The following AUTS2 variants were observed in gnomAD, a reference collection of about 807,000 sequenced individuals.
AUTS2 encodes autism susceptibility gene 2 protein.
In AUTS2, 17 loss-of-function variants were observed where a neutral mutation model predicts 112.4. The observed-to-expected ratio is 0.15, with a 90% CI of 0.10 to 0.23. The LOEUF (loss-of-function observed/expected upper bound fraction) is 0.23. Among genes scored for constraint, AUTS2 ranks in the 10% least tolerant of loss-of-function variants. The pLI is 1.00. For synonymous variants in AUTS2, 751 were observed against 702.7 expected, an observed-to-expected ratio of 1.07 and a Z score of -1.09; for missense variants, 1,510 against 1,701.6, an observed-to-expected ratio of 0.89 and a Z score of 1.98.
intron 6 of AUTS2, among the ~76,000 whole-genome samples, chr7:70,750,551 C>A (rs1188796956): frequency 6.6e-6 from 1 of 151,954 alleles, no homozygotes; most frequent in African/African-American, 2.4e-5. Flanking sequence ...CAGGCACACG[C>A]CACCATGCCC....
intron 1 of AUTS2, among the ~76,000 whole-genome samples, chr7:69,771,200 C>G (rs555217724): frequency 2.6e-5 from 4 of 152,260 alleles, no homozygotes; most frequent in African/African-American, 7.2e-5. Context: ...ACCCAGCGAT[C>G]TTCCTGTATG....
intron 1 of AUTS2, among the ~76,000 whole-genome samples, chr7:69,687,975 G>T (rs1160940129): frequency 1.3e-5 from 2 of 152,202 alleles, no homozygotes; most frequent in East Asian, 3.8e-4. Flanking sequence ...GGCTGTTTCT[G>T]AGTTATGCGA....
chr7:70,024,382 T>C (rs1446835201), intron 2 of AUTS2, among the ~76,000 whole-genome samples: 1 of 152,206 alleles, frequency 6.6e-6, no homozygotes, highest in African/African-American at 2.4e-5. Context: ...ATGGAATGGA[T>C]TGTTGCTTTT....
chr7:70,737,825 A>G (rs537749179), intron 6 of AUTS2, among the ~76,000 whole-genome samples: 1 of 152,196 alleles, frequency 6.6e-6, no homozygotes, highest in Non-Finnish European at 1.5e-5. Context: ...TAACCTTGAA[A>G]ATGGAAACAC....
chr7:70,429,615 GTT>G lies in AUTS2; in HGVS notation c.661-6135_661-6134del, dbSNP rs1795569631. Among the ~76,000 whole-genome samples the G allele has an allele frequency of 2.0e-5, 3 of 152,320 alleles. No homozygotes were observed. The South Asian group carries it at 6.2e-4, about 32-fold the overall frequency. ...GCCAACCAGGGCCGGACCACAAGCT[GTT>G]TGCAACCAACCTGCTGTGAGATTAG... On this transcript the variant is annotated intron_variant, in intron 4 of 18. Coordinates refer to ENST00000342771, the MANE Select transcript of AUTS2 (RefSeq NM_015570.4).
At chr7:69,778,039 G>C (rs923157845) in intron 1 of AUTS2, among the ~76,000 whole-genome samples, 2 of 152,088 alleles carry the variant, frequency 1.3e-5, no homozygotes, top group African/African-American at 4.8e-5. Context: ...GAAATAAATA[G>C]AAAATACAGT....
intron 5 of AUTS2, among the ~76,000 whole-genome samples, chr7:70,621,001 G>C (rs944792900): frequency 7.2e-5 from 11 of 152,230 alleles, no homozygotes; most frequent in African/African-American, 1.7e-4. Flanking sequence ...AGCTCAGAGC[G>C]GGGAGGACCA....
At position 69,854,275 on chromosome 7, in the gene AUTS2, A is replaced by G. The variant is rs571267077; in HGVS notation, c.310-45011A>G. Among the ~76,000 whole-genome samples the G allele has an allele frequency of 5.7e-4, 87 of 152,296 alleles. 1 individual carries two copies. The highest frequency in any genetic ancestry group is 2.3e-3 in the Admixed American group (35 of 15,298). ...AGCTGAGGAAACAGAGGCTTAGAGA[A>G]GTCAAGTGATTTGCTAAGGTCACTT... On this transcript the variant is annotated intron_variant, in intron 1 of 18. Transcript: ENST00000342771.
At chr7:69,853,885 T>C (rs1279053367) in intron 1 of AUTS2, among the ~76,000 whole-genome samples, 1 of 152,162 alleles carries the variant, frequency 6.6e-6, no homozygotes, top group Non-Finnish European at 1.5e-5. Flanking sequence ...GTAAGTGAGA[T>C]GAAAGTGAAA....
chr7:70,711,536 G>A (rs1423566030), intron 6 of AUTS2, among the ~76,000 whole-genome samples: 2 of 152,174 alleles, frequency 1.3e-5, no homozygotes, highest in African/African-American at 4.8e-5. Context: ...AACCCTGGGC[G>A]CCGAGCAGCT....
rs1426406683 is a variant in AUTS2, at chr7:69,811,137, C to T, written c.310-88149C>T. On this transcript the variant is annotated intron_variant, in intron 1 of 18. Transcript: ENST00000342771. The stretch of plus-strand genomic sequence containing the variant: ...TTTTACTCTGCACCACTCTACCTGC[C>T]GTTGACTGGGTTACCTTCATAAAAG... 3.3e-5 allele frequency among the ~76,000 whole-genome samples: 5 copies of T among 152,114 alleles called. No individual in the cohort carries two copies. The East Asian group carries it at 7.7e-4, about 23-fold the overall frequency.
chr7:70,579,296 T>G (rs1802329212), intron 5 of AUTS2, among the ~76,000 whole-genome samples: 1 of 132,364 alleles, frequency 7.6e-6, no homozygotes, highest in Non-Finnish European at 1.6e-5. Context: ...AAAATCAAGT[T>G]AGGCAGCTTT....
intron 4 of AUTS2, among the ~76,000 whole-genome samples, chr7:70,406,471 G>A (rs553349932): frequency 6.6e-6 from 1 of 152,308 alleles, no homozygotes; most frequent in East Asian, 1.9e-4. Context: ...GAGCTGCCCC[G>A]CGGCACCATC....
chr7:70,676,521 G>A (rs1427371008), intron 5 of AUTS2, among the ~76,000 whole-genome samples: 1 of 152,196 alleles, frequency 6.6e-6, no homozygotes, highest in Non-Finnish European at 1.5e-5. Context: ...CTGAGGGGTG[G>A]AGTGTCCTGT....
chr7:70,555,521 C>T lies in AUTS2; in HGVS notation c.690+119740C>T, dbSNP rs78443767. ...GAGTTACCTCCTTGGACCTGGGACC[C>T]TCATATTCTTGGACCCTGGCACAGT... On this transcript the variant is annotated intron_variant, in intron 5 of 18. Coordinates refer to ENST00000342771, the MANE Select transcript of AUTS2 (RefSeq NM_015570.4). Among the ~76,000 whole-genome samples the T allele has an allele frequency of 2.7e-3, 414 of 152,210 alleles. 18 individuals carry two copies. The East Asian group carries it at 0.075, about 28-fold the overall frequency.
At chr7:70,313,474 C>G (rs139701574) in intron 4 of AUTS2, among the ~76,000 whole-genome samples, 1 of 152,330 alleles carries the variant, frequency 6.6e-6, no homozygotes, top group Non-Finnish European at 1.5e-5. Flanking sequence ...AGTAAACATG[C>G]TCCCCATGAC....
At chr7:69,671,336 G>A (rs1178653932) in intron 1 of AUTS2, among the ~76,000 whole-genome samples, 1 of 152,132 alleles carries the variant, frequency 6.6e-6, no homozygotes, top group African/African-American at 2.4e-5. Context: ...CTGTAGAATG[G>A]GGTAATAAAC....
At chr7:70,493,763 G>A (rs1798341748) in intron 5 of AUTS2, among the ~76,000 whole-genome samples, 1 of 152,018 alleles carries the variant, frequency 6.6e-6, no homozygotes, top group Non-Finnish European at 1.5e-5. Flanking sequence ...TGTTAGTTCA[G>A]TAAGTAACCT....
intron 5 of AUTS2, among the ~76,000 whole-genome samples, chr7:70,534,805 A>G (rs771435228): frequency 2.0e-5 from 3 of 152,112 alleles, no homozygotes; most frequent in Non-Finnish European, 2.9e-5. Flanking sequence ...ACAGGACCAT[A>G]TAGGTAATAG....
Sources: allele counts gnomAD v4.1 joint callset (sites outside exome capture counted in the v4.1 genomes callset), GRCh38; gene constraint gnomAD v4.1.1; transcripts MANE v1.5; gene names NCBI Gene and HGNC (gene_info 2026-07-23, HGNC 2026-07-21).